TALDO1: variants seen among roughly 807,000 people sequenced by gnomAD.
TALDO1 encodes transaldolase 1.
A neutral mutation model predicts 38.1 loss-of-function variants in TALDO1; 29 were observed. That is an observed-to-expected ratio of 0.76 (90% confidence interval 0.57 to 1.04). The LOEUF (loss-of-function observed/expected upper bound fraction) is 1.04, where lower values mean the gene tolerates loss of function less well. TALDO1 is among the 50% of genes least tolerant of loss of function. The probability of loss-of-function intolerance (pLI) is 0.00; values close to 1 mark genes in which losing one functional copy is unlikely to be tolerated. For synonymous variants in TALDO1, 207 were observed against 176.8 expected, an observed-to-expected ratio of 1.17 and a Z score of -1.36; for missense variants, 499 against 438.1, an observed-to-expected ratio of 1.14 and a Z score of -1.24.
chr11:759,548 C>G (rs1231819088), intron 3 of TALDO1, among the ~76,000 whole-genome samples: 1 of 152,156 alleles, frequency 6.6e-6, no homozygotes. Context: ...GCATGAGCCA[C>G]TGTGCCCGGC....
chr11:754,103 G>A (rs992980291), intron 1 of TALDO1, among the ~76,000 whole-genome samples: 3 of 151,924 alleles, frequency 2.0e-5, no homozygotes, highest in African/African-American at 7.3e-5. Context: ...TCCTGCCACA[G>A]CCTCCCGAGT....
At chr11:751,257 T>C (rs1862744438) in intron 1 of TALDO1, among the ~76,000 whole-genome samples, 1 of 152,102 alleles carries the variant, frequency 6.6e-6, no homozygotes, top group Admixed American at 6.5e-5. Context: ...AACCATGTGG[T>C]ATCTGTGTTG....
rs538249092 is a variant in TALDO1, at chr11:763,979, G to A, written c.835+35G>A. On this transcript the variant is annotated intron_variant, in intron 6 of 7. Transcript: ENST00000319006. ...CACTGCCCAGCTGTGGCTCCTGCTC[G>A]GGCAAGGCCAGCACTGCCGTGCCAC... 1.5e-4 allele frequency: 247 copies of A among 1,599,754 alleles called. 1 individual carries two copies. Among genetic ancestry groups the A allele is most frequent in the Admixed American group, 3.7e-4 (22 of 59,780 alleles).
At chr11:751,232 A>G (rs1199196402) in intron 1 of TALDO1, among the ~76,000 whole-genome samples, 3 of 152,084 alleles carry the variant, frequency 2.0e-5, no homozygotes, top group Non-Finnish European at 4.4e-5. Flanking sequence ...CCAGCTAACA[A>G]TCCTTGCTGA....
Position 764,378 on chromosome 11 carries a change from C to T in TALDO1, c.926C>T (p.Ser309Phe). Residue 309 changes from serine (S) to phenylalanine (F), a missense_variant, in exon 7 of 8, where the codon TCT (serine) becomes TTT (phenylalanine). Ser to Phe is a radical substitution (Grantham distance 155). Coordinates refer to ENST00000319006, the MANE Select transcript of TALDO1 (RefSeq NM_006755.2). ...NEDQMAVEKLSDGIRKFAADA... is the reference protein window; with the variant it reads ...NEDQMAVEKLFDGIRKFAADA... ...GACCAGATGGCTGTGGAGAAGCTCT[C>T]TGACGGGATCCGCAAGTTTGCCGCT... 1 of 1,613,934 alleles carries T rather than the reference C, an allele frequency of 6.2e-7. No homozygotes were observed. Among genetic ancestry groups the T allele is most frequent in the Non-Finnish European group, 8.5e-7 (1 of 1,179,858 alleles).
Position 763,738 on chromosome 11 carries a change from T to C in TALDO1, c.638-9T>C. On this transcript the variant is annotated splice_polypyrimidine_tract_variant and intron_variant, in intron 5 of 7. Coordinates refer to ENST00000319006, the MANE Select transcript of TALDO1 (RefSeq NM_006755.2). ...AAGCCTTCCTGGTCACAGCTTGGTC[T>C]CTTTCCAGGGGTAAAGAGTGTCACT... 1 of 1,614,014 alleles carries C rather than the reference T, an allele frequency of 6.2e-7. No homozygotes were observed. Among genetic ancestry groups the C allele is most frequent in the Non-Finnish European group, 8.5e-7 (1 of 1,180,006 alleles).
intron 1 of TALDO1, among the ~76,000 whole-genome samples, chr11:755,135 CTTTTTTTT>C (rs71022966): frequency 8.4e-5 from 5 of 59,650 alleles, no homozygotes; most frequent in African/African-American, 1.4e-4. Flanking sequence ...TCCCCTTGGC[CTTTTTTTT>C]TTTTTTTTTT....
At chr11:758,608 C>T (rs563875373) in intron 2 of TALDO1, among the ~76,000 whole-genome samples, 62 of 145,616 alleles carry the variant, frequency 4.3e-4, no homozygotes, top group African/African-American at 1.4e-3. Flanking sequence ...TCAGAAGCTT[C>T]TTTTTTTTTT....
chr11:759,094 A>G, intron 3 of TALDO1, 37 bp downstream of exon 3: 1 of 1,565,006 alleles, frequency 6.4e-7, no homozygotes, highest in Non-Finnish European at 8.8e-7. Flanking sequence ...TGGGCTGGTC[A>G]GGTGTCCACA....
intron 2 of TALDO1, among the ~76,000 whole-genome samples, chr11:757,513 C>T (rs113298336): frequency 0.043 from 6,559 of 152,102 alleles, 181 homozygotes; most frequent in Non-Finnish European, 0.068. Flanking sequence ...TAGCTGGTTT[C>T]GAACTCCTGA....
chr11:747,968 C>T (rs767438510), intron 1 of TALDO1, among the ~76,000 whole-genome samples: 1 of 152,232 alleles, frequency 6.6e-6, no homozygotes, highest in Non-Finnish European at 1.5e-5. Context: ...CCTCGCCCTC[C>T]GCCCAGGGTG....
chr11:762,245 TG>T (rs1413233801), intron 4 of TALDO1, among the ~76,000 whole-genome samples: 24 of 152,230 alleles, frequency 1.6e-4, no homozygotes, highest in Non-Finnish European at 2.5e-4. Flanking sequence ...ATCACAGGTT[TG>T]AGCCACTGCA....
In TALDO1 at chr11:763,737, C is replaced by T. The variant is rs749476642; in HGVS notation, c.638-10C>T. ...GAAGCCTTCCTGGTCACAGCTTGGT[C>T]TCTTTCCAGGGGTAAAGAGTGTCAC... On this transcript the variant is annotated splice_polypyrimidine_tract_variant and intron_variant, in intron 5 of 7. Transcript: ENST00000319006. 3.3e-5 allele frequency: 54 copies of T among 1,613,824 alleles called. No individual in the cohort carries two copies. The East Asian group carries it at 4.7e-4, about 14-fold the overall frequency.
At chr11:764,223 AGCCCAAGG>A in intron 6 of TALDO1, 57 bp from the exon 7 acceptor site, 2 of 1,612,664 alleles carry the variant, frequency 1.2e-6, no homozygotes, top group South Asian at 2.2e-5. Flanking sequence ...TCAGGCCCTG[AGCCCAAGG>A]GGCCAAGGTG....
rs188547252 is a variant in TALDO1, at chr11:764,374, C to G, written c.922C>G (p.Leu308Val). ...CGAGGACCAGATGGCTGTGGAGAAG[C>G]TCTCTGACGGGATCCGCAAGTTTGC... ...HNEDQMAVEK[L>V]SDGIRKFAAD... Residue 308 changes from leucine (L) to valine (V), a missense_variant, in exon 7 of 8, where the codon CTC becomes GTC. Coordinates refer to ENST00000319006, the MANE Select transcript of TALDO1 (RefSeq NM_006755.2). 6.2e-7 allele frequency: 1 copy of G among 1,614,080 alleles called. No individual in the cohort carries two copies. The highest frequency in any genetic ancestry group is 1.1e-5 in the South Asian group (1 of 91,082).
intron 1 of TALDO1, chr11:752,384 ACTTGCTTTTCTAATTGTGGGTCCTAAG>A: frequency 6.6e-6 from 1 of 152,208 alleles, no homozygotes; most frequent in Admixed American, 6.6e-5. Context: ...CCGGCCGTCT[ACTTGCTTTTCTAATTGTGGGTCCTAAG>A]ACCCTCATTT....
chr11:747,743 AGCCGTGAGGGGAGCGGGGCCCGGGTCG>A (rs1240182524), intron 1 of TALDO1, among the ~76,000 whole-genome samples, 165 bp downstream of exon 1: 14 of 152,008 alleles, frequency 9.2e-5, no homozygotes, highest in Non-Finnish European at 1.6e-4. Context: ...GGCCAGGGAC[AGCCGTGAGGGGAGCGGGGCCCGGGTCG>A]GCCGTGAGAG....
chr11:760,336 ACT>A (rs1862907896), intron 4 of TALDO1, 83 bp downstream of exon 4: 1 of 1,590,184 alleles, frequency 6.3e-7, no homozygotes, highest in Non-Finnish European at 8.5e-7. Context: ...GGCAAGTTTG[ACT>A]CTCTCAGCCC....
At chr11:755,173 C>G (rs1862812530) in intron 1 of TALDO1, among the ~76,000 whole-genome samples, 1 of 109,728 alleles carries the variant, frequency 9.1e-6, no homozygotes, top group Non-Finnish European at 1.7e-5. Flanking sequence ...GAGATGGAGT[C>G]TCACTCTGTC....
Sources: gnomAD v4.1 joint callset for allele counts (sites outside exome capture counted in the v4.1 genomes callset) on GRCh38, gnomAD v4.1.1 for gene constraint, MANE v1.5 for transcripts, NCBI Gene and HGNC (gene_info 2026-07-23, HGNC 2026-07-21) for gene names.